Variants in ATP5F1E observed in about 807,000 individuals in gnomAD.
ATP5F1E encodes the protein ATP synthase F(1) complex subunit epsilon, mitochondrial.
Under a neutral mutation model 7.0 loss-of-function variants are expected in ATP5F1E, and 5 were observed. That is an observed-to-expected ratio of 0.71 (90% CI 0.37 to 1.49). The LOEUF is 1.49. Among genes scored for constraint, ATP5F1E ranks in the 40% most tolerant of loss-of-function variants. The pLI, the probability that ATP5F1E is intolerant of heterozygous loss-of-function variation, is 0.03. For missense variants in ATP5F1E, 59 were observed against 57.1 expected, an observed-to-expected ratio of 1.03 and a Z score of -0.11; for synonymous variants, 20 against 20.1, an observed-to-expected ratio of 0.99 and a Z score of 0.02.
rs1393227914 is a variant in ATP5F1E at position 59,027,849 on chromosome 20, A to C, written c.*996T>G. On this transcript the variant is annotated 3_prime_UTR_variant, in exon 3 of 3. Transcript: ENST00000243997. ...AGAACAAAGATGTTCTTTTCGGCTT[A>C]TCCTCGGCATTGCTGACAGTGGCCC... 2 of 152,260 alleles carry C rather than the reference A, an allele frequency of 1.3e-5. No individual in the cohort carries two copies. Among genetic ancestry groups the C allele is most frequent in the Admixed American group, 6.5e-5 (1 of 15,288 alleles). The allele number at this position is 152,260 out of a possible 1,614,324, so 9.4% of individuals were successfully genotyped here. A position where few individuals can be genotyped will look rare whatever the true frequency, so the allele number is the denominator to read the frequency against.
intron 2 of ATP5F1E, 194 bp downstream of exon 2, chr20:59,030,109 C>T: frequency 1.9e-6 from 1 of 528,812 alleles, no homozygotes; most frequent in Non-Finnish European, 3.2e-6. Context: ...TTGTCAGGGC[C>T]CAAGAAGACT....
chr20:59,028,393 A>G lies in ATP5F1E; in HGVS notation c.*452T>C, dbSNP rs1456749795. 1 of 152,238 alleles carries G rather than the reference A, an allele frequency of 6.6e-6. No homozygotes were observed. The highest frequency in any genetic ancestry group is 1.5e-5 in the Non-Finnish European group (1 of 68,038). The allele number at this position is 152,238 out of a possible 1,614,324, so 9.4% of individuals were successfully genotyped here. On this transcript the variant is annotated 3_prime_UTR_variant, in exon 3 of 3. Coordinates refer to ENST00000243997, the MANE Select transcript of ATP5F1E (RefSeq NM_006886.4). ...TAATCTACACTTTTAGTATTTAATA[A>G]TTATTTCCATTTGTTACTGATAACC... is the stretch of plus-strand genomic sequence containing the variant.
chr20:59,031,918 A>G (rs887568412), intron 1 of ATP5F1E, among the ~76,000 whole-genome samples: 4 of 152,374 alleles, frequency 2.6e-5, no homozygotes, highest in African/African-American at 9.6e-5. Context: ...GGTTTGCTAA[A>G]TAAGAGCTGG....
intron 2 of ATP5F1E, 167 bp downstream of exon 2, chr20:59,030,135 CA>C: frequency 1.3e-6 from 1 of 768,542 alleles, no homozygotes; most frequent in East Asian, 3.5e-5. Flanking sequence ...TTTATTAGGC[CA>C]GGGGACTTCT....
intron 1 of ATP5F1E, 124 bp downstream of exon 1, chr20:59,032,096 C>A: frequency 7.2e-7 from 1 of 1,380,514 alleles, no homozygotes. Flanking sequence ...GGCGGCGACG[C>A]CCGAGGCTTG....
At position 59,028,144 on chromosome 20, in the gene ATP5F1E, C is replaced by A. The variant is rs1171848738; in HGVS notation, c.*701G>T. The A allele has an allele frequency of 6.6e-6, 1 of 152,204 alleles. No homozygotes were observed. Among genetic ancestry groups the A allele is most frequent in the East Asian group, 1.9e-4 (1 of 5,206 alleles). 9.4% of individuals were successfully genotyped at this position (152,204 alleles called of 1,614,324 possible). A position where few individuals can be genotyped will look rare whatever the true frequency, so the allele number is the denominator to read the frequency against. ...GCTGTTGTGGTCACCGTGTCCCAGACTTGCAGTCAAAACTCCTAGGTTTTA... is the reference window on the plus strand; with the variant it reads ...GCTGTTGTGGTCACCGTGTCCCAGAATTGCAGTCAAAACTCCTAGGTTTTA... On this transcript the variant is annotated 3_prime_UTR_variant, in exon 3 of 3. Transcript: ENST00000243997.
At chr20:59,030,676 T>C (rs2092021764) in intron 1 of ATP5F1E, among the ~76,000 whole-genome samples, 1 of 152,258 alleles carries the variant, frequency 6.6e-6, no homozygotes, top group Admixed American at 6.5e-5. Context: ...CTTTGTACTG[T>C]GTTTTCTCTT....
At chr20:59,031,877 A>C (rs1041049114) in intron 1 of ATP5F1E, among the ~76,000 whole-genome samples, 1 of 152,240 alleles carries the variant, frequency 6.6e-6, no homozygotes, top group African/African-American at 2.4e-5. Context: ...TACTTTCACC[A>C]CCTGGCTCCA....
intron 2 of ATP5F1E, chr20:59,029,942 T>A (rs2092015272): frequency 3.1e-6 from 1 of 318,492 alleles, no homozygotes. Flanking sequence ...GCTCTTGGAC[T>A]GTTATGTAAC....
intron 1 of ATP5F1E, among the ~76,000 whole-genome samples, chr20:59,031,352 G>A (rs1366467104): frequency 1.3e-5 from 2 of 152,338 alleles, no homozygotes; most frequent in East Asian, 1.9e-4. Flanking sequence ...GGATCACAGG[G>A]TAGGTTGCCT....
rs1329923993 is a variant in ATP5F1E at position 59,032,301 on chromosome 20, A to G, written c.-50T>C. 3.2e-6 allele frequency: 5 copies of G among 1,581,372 alleles called. No individual in the cohort carries two copies. The highest frequency in any genetic ancestry group is 4.3e-6 in the Non-Finnish European group (5 of 1,163,588). On this transcript the variant is annotated 5_prime_UTR_variant, in exon 1 of 3. Transcript: ENST00000243997. ...GGGCCGAATCGCCAAGACGCCGGCA[A>G]TGTCGGCTCAGCCGGGCGGTTCAGC...
Position 59,029,896 on chromosome 20 carries a change from G to C in ATP5F1E, c.*3+407C>G, listed in dbSNP as rs2092015063. On this transcript the variant is annotated intron_variant, in intron 2 of 2. Transcript: ENST00000243997. ...ATTTGTGAGAACATTAGTGGTTGTG[G>C]GGGAAATAAAAATGTAAAGAACTGT... 1.2e-5 allele frequency: 3 copies of C among 259,772 alleles called. No homozygotes were observed. The South Asian group carries it at 1.2e-4, about 11-fold the overall frequency. The allele number at this position is 259,772 out of a possible 1,614,324, so 16.1% of individuals were successfully genotyped here. A position where few individuals can be genotyped will look rare whatever the true frequency, so the allele number is the denominator to read the frequency against.
chr20:59,031,121 C>G (rs1001612928), intron 1 of ATP5F1E, among the ~76,000 whole-genome samples: 3 of 152,046 alleles, frequency 2.0e-5, no homozygotes, highest in Non-Finnish European at 4.4e-5. Flanking sequence ...AAACAGGAAG[C>G]GGGGAGGGGT....
intron 2 of ATP5F1E, 64 bp from the exon 3 acceptor site, chr20:59,028,905 T>C (rs1021847319): frequency 1.2e-5 from 2 of 166,154 alleles, no homozygotes; most frequent in African/African-American, 4.8e-5. Flanking sequence ...AAACTCAACA[T>C]GAATATAAGA....
rs2091991787 is a variant in ATP5F1E, at chr20:59,025,902, T to C, written c.*2943A>G. Reference sequence around the variant, plus strand: ...CAGGACCAAATACACAAGAGCGTAATCAAATCATCTGTAACTTCTTAATTA... The same window carrying C: ...CAGGACCAAATACACAAGAGCGTAACCAAATCATCTGTAACTTCTTAATTA... On this transcript the variant is annotated 3_prime_UTR_variant, in exon 3 of 3. Coordinates refer to ENST00000243997, the MANE Select transcript of ATP5F1E (RefSeq NM_006886.4). The C allele has an allele frequency of 6.6e-6, 1 of 152,272 alleles. No individual in the cohort carries two copies. Among genetic ancestry groups the C allele is most frequent in the Admixed American group, 6.5e-5 (1 of 15,288 alleles). The allele number at this position is 152,272 out of a possible 1,614,324, so 9.4% of individuals were successfully genotyped here.
intron 1 of ATP5F1E, 63 bp from the exon 2 acceptor site, chr20:59,030,492 T>A: frequency 1.9e-6 from 3 of 1,598,296 alleles, no homozygotes; most frequent in Non-Finnish European, 2.6e-6. Flanking sequence ...CAGCTGTTAC[T>A]GTGTTTTCGC....
Position 59,026,551 on chromosome 20 carries a change from G to T in ATP5F1E, c.*2294C>A, listed in dbSNP as rs1385388153. ...TTTTGCTGACTTATATTACTGTAAA[G>T]ATTTGTTTGCTCAATAGTAATCATT... is the stretch of plus-strand genomic sequence containing the variant. On this transcript the variant is annotated 3_prime_UTR_variant, in exon 3 of 3. Transcript: ENST00000243997. 1.3e-5 allele frequency: 2 copies of T among 152,200 alleles called. No homozygotes were observed. The highest frequency in any genetic ancestry group is 2.9e-5 in the Non-Finnish European group (2 of 68,032). 9.4% of individuals were successfully genotyped at this position (152,200 alleles called of 1,614,324 possible). A position where few individuals can be genotyped will look rare whatever the true frequency, so the allele number is the denominator to read the frequency against.
chr20:59,027,630 G>T lies in ATP5F1E; in HGVS notation c.*1215C>A, dbSNP rs530166469. ...CCTTAATCTTGGGGGCCACAGCACT[G>T]AACTGAGGTGCCCTAACTTGCCAAC... On this transcript the variant is annotated 3_prime_UTR_variant, in exon 3 of 3. Coordinates refer to ENST00000243997, the MANE Select transcript of ATP5F1E (RefSeq NM_006886.4). 6.6e-6 allele frequency: 1 copy of T among 152,300 alleles called. No homozygotes were observed. The highest frequency in any genetic ancestry group is 2.1e-4 in the South Asian group (1 of 4,832). The allele number at this position is 152,300 out of a possible 1,614,324, so 9.4% of individuals were successfully genotyped here. A position where few individuals can be genotyped will look rare whatever the true frequency, so the allele number is the denominator to read the frequency against.
intron 1 of ATP5F1E, among the ~76,000 whole-genome samples, chr20:59,031,929 CCT>C (rs1386672559): frequency 6.6e-6 from 1 of 152,244 alleles, no homozygotes; most frequent in Non-Finnish European, 1.5e-5. Flanking sequence ...TAAGAGCTGG[CCT>C]CTCTCTCGAG....
Sources: gnomAD v4.1 joint callset for allele counts (sites outside exome capture counted in the v4.1 genomes callset) on GRCh38, gnomAD v4.1.1 for gene constraint, MANE v1.5 for transcripts, NCBI Gene and HGNC (gene_info 2026-07-23, HGNC 2026-07-21) for gene names.